RPS6KA2: variants seen among roughly 807,000 people sequenced by gnomAD.
The protein encoded by RPS6KA2 is ribosomal protein S6 kinase A2.
In RPS6KA2, 42 loss-of-function variants were observed where a neutral mutation model predicts 91.8. The ratio of observed to expected loss-of-function variants is 0.46; its 90% CI spans 0.36 to 0.59. RPS6KA2 has a LOEUF of 0.59. Among genes scored for constraint, RPS6KA2 ranks in the 20% least tolerant of loss-of-function variants. RPS6KA2 has a pLI of 0.00. For synonymous variants in RPS6KA2, 414 were observed against 393.6 expected (o/e 1.05, Z -0.61); for missense variants, 798 against 978.5 (o/e 0.82, Z 2.46).
At chr6:166,511,837 G>A (rs1782486740) in intron 3 of RPS6KA2, among the ~76,000 whole-genome samples, 1 of 152,166 alleles carries the variant, frequency 6.6e-6, no homozygotes, top group South Asian at 2.1e-4. Context: ...GAACCATCAT[G>A]CATTGCTGAT....
At chr6:166,827,455 T>C (rs538260780) in intron 2 of RPS6KA2, among the ~76,000 whole-genome samples, 2 of 152,320 alleles carry the variant, frequency 1.3e-5, no homozygotes, top group East Asian at 3.9e-4. Context: ...CATTTTTTTC[T>C]TTAAACACCT....
intron 2 of RPS6KA2, among the ~76,000 whole-genome samples, chr6:166,759,960 C>T (rs564516899): frequency 1.6e-4 from 25 of 152,338 alleles, no homozygotes; most frequent in African/African-American, 6.0e-4. Flanking sequence ...GAAAACTTAA[C>T]TCTGTGGTCC....
At chr6:166,602,673 C>T (rs913893371) in intron 1 of RPS6KA2, among the ~76,000 whole-genome samples, 27 of 152,276 alleles carry the variant, frequency 1.8e-4, no homozygotes, top group African/African-American at 6.0e-4. Context: ...TTAGGATACA[C>T]ACAATAAAAC....
chr6:166,477,313 T>A (rs1781014800), intron 10 of RPS6KA2, among the ~76,000 whole-genome samples: 1 of 152,180 alleles, frequency 6.6e-6, no homozygotes, highest in Non-Finnish European at 1.5e-5. Context: ...CCATTCTCCA[T>A]GCTTGTGTGA....
intron 5 of RPS6KA2, among the ~76,000 whole-genome samples, chr6:166,504,829 C>G (rs1010786269): frequency 1.3e-5 from 2 of 152,118 alleles, no homozygotes; most frequent in African/African-American, 4.8e-5. Context: ...CGAGGGCTTC[C>G]TGCACAGGTG....
chr6:166,417,470 G>C (rs1365213113), intron 19 of RPS6KA2, among the ~76,000 whole-genome samples: 1 of 152,202 alleles, frequency 6.6e-6, no homozygotes, highest in African/African-American at 2.4e-5. Flanking sequence ...CCCTGAGGAA[G>C]AGGGAATTCT....
intron 2 of RPS6KA2, among the ~76,000 whole-genome samples, chr6:166,854,770 A>T (rs1406574795): frequency 6.6e-6 from 1 of 152,236 alleles, no homozygotes; most frequent in Non-Finnish European, 1.5e-5. Context: ...CACAACCTCT[A>T]CAAAAGACAT....
intron 2 of RPS6KA2, among the ~76,000 whole-genome samples, chr6:166,730,110 C>G (rs1330237307): frequency 6.6e-6 from 1 of 152,218 alleles, no homozygotes; most frequent in Non-Finnish European, 1.5e-5. Context: ...ATGTAACTTT[C>G]TATATTGCTT....
chr6:166,537,531 T>C (rs1320159952), intron 2 of RPS6KA2, among the ~76,000 whole-genome samples: 1 of 152,220 alleles, frequency 6.6e-6, no homozygotes, highest in South Asian at 2.1e-4. Flanking sequence ...TAATCTAACG[T>C]ATAAAAATTT....
In RPS6KA2 at chr6:166,639,789, A is replaced by G. The variant is rs1787371714; in HGVS notation, c.124-101005T>C. Among the ~76,000 whole-genome samples the G allele has an allele frequency of 6.6e-6, 1 of 151,852 alleles. No individual in the cohort carries two copies. The highest frequency in any genetic ancestry group is 2.4e-5 in the African/African-American group (1 of 41,310). ...ACCCAGCATTGCTCCAGGAAGCCAC[A>G]CCGAGATCACTCCACCCCACAGGCC... On this transcript the variant is annotated intron_variant, in intron 2 of 21. Transcript: ENST00000503859. This position sits in a 1 kb window ranked among gnomAD's most constrained non-coding sequence, Gnocchi z 4.2.
chr6:166,560,376 A>G (rs561508293), intron 1 of RPS6KA2, among the ~76,000 whole-genome samples: 1 of 152,330 alleles, frequency 6.6e-6, no homozygotes, highest in Admixed American at 6.5e-5. Flanking sequence ...ATAAATAATA[A>G]CCAAACACAA....
intron 3 of RPS6KA2, among the ~76,000 whole-genome samples, chr6:166,529,584 C>T (rs35007078): frequency 0.19 from 28,296 of 151,960 alleles, 2,817 homozygotes; most frequent in South Asian, 0.25. Flanking sequence ...AAAAAGTTCA[C>T]TCTAAAAAGC....
At chr6:166,862,357 C>A in exon 1 of RPS6KA2, 1 of 1,432,182 alleles carries the variant, frequency 7.0e-7, no homozygotes, top group South Asian at 1.4e-5. Flanking sequence ...GGGGCCTGCG[C>A]CGGCCGGAGG....
At chr6:166,590,638 G>A (rs1228092456) in intron 1 of RPS6KA2, among the ~76,000 whole-genome samples, 1 of 152,130 alleles carries the variant, frequency 6.6e-6, no homozygotes, top group Non-Finnish European at 1.5e-5. Context: ...ACACGCACGT[G>A]CATAACTGAA....
intron 12 of RPS6KA2, among the ~76,000 whole-genome samples, chr6:166,456,367 TAAG>T (rs146386829): frequency 0.014 from 2,192 of 152,344 alleles, 50 homozygotes; most frequent in African/African-American, 0.05. Context: ...GCACAGTATT[TAAG>T]AAGAGCAAAA....
intron 2 of RPS6KA2, among the ~76,000 whole-genome samples, chr6:166,836,459 T>A (rs1780318501): frequency 7.1e-6 from 1 of 141,730 alleles, no homozygotes; most frequent in East Asian, 2.1e-4. Context: ...ATGTTAATTA[T>A]TTTCTATTTT....
At chr6:166,477,859 C>A (rs959158675) in intron 10 of RPS6KA2, among the ~76,000 whole-genome samples, 1 of 152,128 alleles carries the variant, frequency 6.6e-6, no homozygotes, top group African/African-American at 2.4e-5. Context: ...TGAAGTGAGT[C>A]ATGATTGCAC....
At chr6:166,819,120 T>C (rs1779840839) in intron 2 of RPS6KA2, among the ~76,000 whole-genome samples, 1 of 152,154 alleles carries the variant, frequency 6.6e-6, no homozygotes, top group African/African-American at 2.4e-5. Context: ...GAAGGTGCCT[T>C]CTGAGGAGTC....
rs1440936336 is a variant in RPS6KA2, at chr6:166,662,260, G to A, written c.124-123476C>T. ...AATTCACTGGTATTCTTTTTTCTGG[G>A]ATATTGCCATTGTAAGATTTGGCTG... On this transcript the variant is annotated intron_variant, in intron 2 of 21. Transcript: ENST00000503859. The surrounding 1 kb of genome is among the most constrained non-coding windows in gnomAD (Gnocchi z 4.3). 6.6e-6 allele frequency among the ~76,000 whole-genome samples: 1 copy of A among 152,078 alleles called. No individual in the cohort carries two copies. The highest frequency in any genetic ancestry group is 6.5e-5 in the Admixed American group (1 of 15,272).
Sources: allele counts gnomAD v4.1 joint callset (sites outside exome capture counted in the v4.1 genomes callset), GRCh38; gene constraint gnomAD v4.1.1; non-coding constraint Gnocchi (gnomAD v3.1); transcripts MANE v1.5; gene names NCBI Gene and HGNC (gene_info 2026-07-23, HGNC 2026-07-21).